The following ARHGEF3 variants were observed in gnomAD, a reference collection of about 807,000 sequenced individuals.
ARHGEF3 encodes 59.8 kDA protein.
A neutral mutation model predicts 63.2 loss-of-function variants in ARHGEF3; 28 were observed. The observed-to-expected ratio is 0.44, with a 90% CI of 0.33 to 0.61. The LOEUF is 0.61. ARHGEF3 is among the 20% of genes least tolerant of loss of function. The probability of loss-of-function intolerance (pLI) is 0.03; values close to 1 mark genes in which losing one functional copy is unlikely to be tolerated. For missense variants in ARHGEF3, 533 were observed against 659.3 expected (o/e 0.81, Z 2.10); for synonymous variants, 266 against 254.2 (o/e 1.05, Z -0.44).
chr3:56,929,887 C>A (rs2042365572), intron 3 of ARHGEF3, among the ~76,000 whole-genome samples: 1 of 152,094 alleles, frequency 6.6e-6, no homozygotes, highest in Non-Finnish European at 1.5e-5. Context: ...TCCGGAATAG[C>A]CCTAGATCCT....
At chr3:56,961,247 T>G (rs1167597170) in intron 2 of ARHGEF3, among the ~76,000 whole-genome samples, 1 of 152,224 alleles carries the variant, frequency 6.6e-6, no homozygotes, top group African/African-American at 2.4e-5. Flanking sequence ...AAATAAATAA[T>G]CTTACATCAT....
At chr3:56,739,219 T>G (rs375420113) in intron 7 of ARHGEF3, among the ~76,000 whole-genome samples, 1 of 152,156 alleles carries the variant, frequency 6.6e-6, no homozygotes. Flanking sequence ...AACTGAAAAG[T>G]ACTTAACAGA....
intron 1 of ARHGEF3, among the ~76,000 whole-genome samples, chr3:57,053,005 G>A (rs1465196486): frequency 1.3e-5 from 2 of 152,190 alleles, no homozygotes; most frequent in African/African-American, 4.8e-5. Flanking sequence ...CAGGCAAACA[G>A]AAGCAGATTT....
Position 56,732,410 on chromosome 3 carries a change from G to A in ARHGEF3, c.1056C>T (p.Phe352=), listed in dbSNP as rs1448641312. 23 of 1,614,136 alleles carry A rather than the reference G, an allele frequency of 1.4e-5. No homozygotes were observed. Among genetic ancestry groups the A allele is most frequent in the Non-Finnish European group, 1.8e-5 (21 of 1,180,030 alleles). ...KNNRGVKLHV[F]LFQEVLVITR... ...TGATCACAAGCACTTCTTGGAACAG[G>A]AAAACATGCAGTTTCTAGAAGAAAA... Residue 352 remains phenylalanine, a synonymous_variant, in exon 9 of 10, where the codon TTC becomes TTT. Transcript: ENST00000296315.
chr3:56,807,804 C>T (rs549725487), intron 4 of ARHGEF3, among the ~76,000 whole-genome samples: 2 of 152,264 alleles, frequency 1.3e-5, no homozygotes, highest in Non-Finnish European at 2.9e-5. Flanking sequence ...AGGAGCTGTC[C>T]ACTGACTCCA....
intron 4 of ARHGEF3, among the ~76,000 whole-genome samples, chr3:56,873,599 G>A (rs755343963): frequency 2.0e-5 from 3 of 151,926 alleles, no homozygotes; most frequent in South Asian, 4.2e-4. Context: ...TTGTAGAGAC[G>A]AGGTCTCACT....
chr3:56,827,766 A>AC lies in ARHGEF3; in HGVS notation c.193-53951_193-53950insG, dbSNP rs2038780663. On this transcript the variant is annotated intron_variant, in intron 4 of 12. Transcript: ENST00000338458. Reference sequence around the variant, plus strand: ...CCCTGTCTCTACAAAAAAAAAAAAAAAAAAAAACAGAAAAGAAAAAAAAAA... The same window carrying AC: ...CCCTGTCTCTACAAAAAAAAAAAAAACAAAAAAACAGAAAAGAAAAAAAAAA... Among the ~76,000 whole-genome samples, 4 of 125,706 alleles carry AC rather than the reference A, an allele frequency of 3.2e-5. No individual in the cohort carries two copies. In the South Asian group the frequency reaches 1.0e-3, roughly 31 times the overall value. The allele number at this position is 125,706 out of a possible 152,430, so 82.5% of individuals were successfully genotyped here.
rs567677549 is a variant in ARHGEF3 at position 56,766,872 on chromosome 3, A to G, written c.204+6837T>C. 3.9e-5 allele frequency among the ~76,000 whole-genome samples: 6 copies of G among 152,394 alleles called. No individual in the cohort carries two copies. The South Asian group carries it at 1.2e-3, about 32-fold the overall frequency. The stretch of plus-strand genomic sequence containing the variant: ...CTAGGAGTATAATCAAAGGAAAGAA[A>G]GAAATACAGACATACACATGATCAG... On this transcript the variant is annotated intron_variant, in intron 2 of 9. Coordinates refer to ENST00000296315, the MANE Select transcript of ARHGEF3 (RefSeq NM_019555.3).
At chr3:56,793,469 A>T (rs889904187) in intron 1 of ARHGEF3, among the ~76,000 whole-genome samples, 2 of 150,888 alleles carry the variant, frequency 1.3e-5, no homozygotes, top group Admixed American at 1.3e-4. Context: ...GTGCCCAGCA[A>T]TTTTTGTATT....
chr3:56,967,089 C>G (rs563977766), intron 2 of ARHGEF3, among the ~76,000 whole-genome samples: 1 of 148,598 alleles, frequency 6.7e-6, no homozygotes, highest in Non-Finnish European at 1.5e-5. Flanking sequence ...TCTCGAACTC[C>G]CGACCTCAAG....
chr3:56,980,955 G>C (rs1203495532), intron 2 of ARHGEF3, among the ~76,000 whole-genome samples: 1 of 152,200 alleles, frequency 6.6e-6, no homozygotes, highest in Non-Finnish European at 1.5e-5. Flanking sequence ...GTACTTCCTG[G>C]AGAGGGTGAT....
At chr3:56,817,682 T>G (rs2038322967) in intron 4 of ARHGEF3, among the ~76,000 whole-genome samples, 1 of 152,210 alleles carries the variant, frequency 6.6e-6, no homozygotes, top group African/African-American at 2.4e-5. Flanking sequence ...TACTGCCCTG[T>G]TGTATAAATG....
chr3:57,071,935 T>G (rs1435288479), intron 1 of ARHGEF3, among the ~76,000 whole-genome samples: 1 of 152,104 alleles, frequency 6.6e-6, no homozygotes, highest in Non-Finnish European at 1.5e-5. Context: ...AAGAGACATA[T>G]AATCCAATTT....
At chr3:56,921,192 C>G (rs932009404) in intron 3 of ARHGEF3, among the ~76,000 whole-genome samples, 1 of 148,916 alleles carries the variant, frequency 6.7e-6, no homozygotes, top group Admixed American at 6.6e-5. Context: ...TGGTGAGACC[C>G]TATTCTCCAT....
intron 8 of ARHGEF3, among the ~76,000 whole-genome samples, chr3:56,733,949 A>G (rs1329659950): frequency 1.4e-5 from 2 of 141,086 alleles, no homozygotes; most frequent in African/African-American, 5.4e-5. Context: ...GGGCCATTGC[A>G]CTCCAGTCTG....
intron 1 of ARHGEF3, among the ~76,000 whole-genome samples, chr3:57,062,217 G>A (rs1014784229): frequency 6.6e-6 from 1 of 152,102 alleles, no homozygotes; most frequent in Non-Finnish European, 1.5e-5. Flanking sequence ...CCCTCCCCTC[G>A]CAGCTCCACA....
intron 3 of ARHGEF3, among the ~76,000 whole-genome samples, chr3:56,888,017 T>C (rs1313752592): frequency 2.0e-5 from 3 of 152,020 alleles, no homozygotes; most frequent in South Asian, 2.1e-4. Context: ...GTGAAGGTCA[T>C]TGAAGGCTTA....
intron 4 of ARHGEF3, among the ~76,000 whole-genome samples, chr3:56,835,117 C>G (rs945270190): frequency 1.3e-5 from 2 of 152,098 alleles, no homozygotes; most frequent in African/African-American, 4.8e-5. Context: ...TATAAATTCT[C>G]TAAATTATCT....
intron 1 of ARHGEF3, among the ~76,000 whole-genome samples, chr3:57,078,324 C>T (rs1706306151): frequency 6.6e-6 from 1 of 152,200 alleles, no homozygotes. Context: ...GGGCAACTAC[C>T]GTCTGGCAGT....
Sources: allele counts gnomAD v4.1 joint callset (sites outside exome capture counted in the v4.1 genomes callset), GRCh38; gene constraint gnomAD v4.1.1; transcripts MANE v1.5; gene names NCBI Gene and HGNC (gene_info 2026-07-23, HGNC 2026-07-21).